The following ANKRD13C variants were observed in gnomAD, a reference collection of about 807,000 sequenced individuals.
The protein encoded by ANKRD13C is ankyrin repeat domain 13C.
ANKRD13C carries 16 observed loss-of-function variants against 65.5 expected under a neutral mutation model. That is an observed-to-expected ratio of 0.24 (90% CI 0.17 to 0.37). The LOEUF is 0.37. ANKRD13C is among the 10% of genes least tolerant of loss of function. The probability of loss-of-function intolerance (pLI) is 1.00; values close to 1 mark genes in which losing one functional copy is unlikely to be tolerated. For missense variants in ANKRD13C, 503 were observed against 655.9 expected, an observed-to-expected ratio of 0.77 and a Z score of 2.55; for synonymous variants, 235 against 238.7, an observed-to-expected ratio of 0.98 and a Z score of 0.14.
chr1:70,281,985 G>A (rs973783804), intron 9 of ANKRD13C, among the ~76,000 whole-genome samples: 2 of 151,208 alleles, frequency 1.3e-5, no homozygotes, highest in African/African-American at 4.9e-5. Context: ...GGGCAACAGA[G>A]GGAGACTCCA....
At chr1:70,312,162 C>T (rs1050255481) in intron 5 of ANKRD13C, among the ~76,000 whole-genome samples, 1 of 152,132 alleles carries the variant, frequency 6.6e-6, no homozygotes, top group African/African-American at 2.4e-5. Context: ...AATCTGGTAA[C>T]TTCCTAGGCA....
At chr1:70,324,269 T>C (rs1483185184) in intron 3 of ANKRD13C, among the ~76,000 whole-genome samples, 1 of 152,158 alleles carries the variant, frequency 6.6e-6, no homozygotes, top group Admixed American at 6.5e-5. Context: ...TTTTCCACTA[T>C]TGAGATATAC....
intron 2 of ANKRD13C, among the ~76,000 whole-genome samples, chr1:70,326,063 C>T (rs1681523955): frequency 6.6e-6 from 1 of 151,328 alleles, no homozygotes. Context: ...GAAACCCCAT[C>T]TCTACTAAAA....
At chr1:70,326,231 C>CAAAAAAAAAAAA (rs59618915) in intron 2 of ANKRD13C, among the ~76,000 whole-genome samples, 5 of 31,092 alleles carry the variant, frequency 1.6e-4, no homozygotes, top group Non-Finnish European at 2.5e-4. Flanking sequence ...AACTCTGTCT[C>CAAAAAAAAAAAA]AAAAAAAAAA....
chr1:70,349,571 CAATTT>C (rs756133926), intron 1 of ANKRD13C, among the ~76,000 whole-genome samples: 3 of 151,750 alleles, frequency 2.0e-5, no homozygotes, highest in Non-Finnish European at 2.9e-5. Context: ...TTCTTCTATT[CAATTT>C]AAGTCAGTAA....
intron 1 of ANKRD13C, among the ~76,000 whole-genome samples, chr1:70,345,052 A>G (rs1258588934): frequency 6.6e-6 from 1 of 152,280 alleles, no homozygotes; most frequent in African/African-American, 2.4e-5. Flanking sequence ...GCTTTGCACA[A>G]ATTCACAGTT....
chr1:70,348,127 T>G (rs1222294411), intron 1 of ANKRD13C, among the ~76,000 whole-genome samples: 1 of 151,874 alleles, frequency 6.6e-6, no homozygotes, highest in Non-Finnish European at 1.5e-5. Context: ...TATTACATAT[T>G]ATTCTTTTGT....
At chr1:70,344,173 CT>C (rs1193099023) in intron 1 of ANKRD13C, among the ~76,000 whole-genome samples, 2 of 151,872 alleles carry the variant, frequency 1.3e-5, no homozygotes, top group African/African-American at 4.8e-5. Context: ...TGGCAGGCGC[CT>C]GTAGTCCCAG....
At chr1:70,282,779 G>C (rs1207686273) in intron 9 of ANKRD13C, among the ~76,000 whole-genome samples, 1 of 152,140 alleles carries the variant, frequency 6.6e-6, no homozygotes, top group South Asian at 2.1e-4. Flanking sequence ...GAAACCGCTG[G>C]AAACGTTTAA....
chr1:70,339,814 T>G (rs1163287321), intron 1 of ANKRD13C, among the ~76,000 whole-genome samples: 8 of 1,484 alleles, frequency 5.4e-3, no homozygotes, highest in Non-Finnish European at 9.2e-3. Flanking sequence ...TCAGTACGTT[T>G]ATTATTATTA....
chr1:70,348,649 T>C (rs1682628981), intron 1 of ANKRD13C, among the ~76,000 whole-genome samples: 1 of 152,172 alleles, frequency 6.6e-6, no homozygotes, highest in South Asian at 2.1e-4. Flanking sequence ...AGGCAGAGAT[T>C]TTACACATTA....
At chr1:70,320,622 A>G (rs1352676374) in intron 3 of ANKRD13C, among the ~76,000 whole-genome samples, 2 of 151,866 alleles carry the variant, frequency 1.3e-5, no homozygotes, top group Admixed American at 1.3e-4. Flanking sequence ...GGCATGCCCC[A>G]CCACACCTGA....
Position 70,279,037 on chromosome 1 carries a change from C to CA in ANKRD13C, c.1216-2194dup, listed in dbSNP as rs151114956. Among the ~76,000 whole-genome samples, 936 of 149,852 alleles carry CA rather than the reference C, an allele frequency of 6.2e-3. 15 individuals carry two copies. The highest frequency in any genetic ancestry group is 0.022 in the African/African-American group (905 of 40,410). ...GCAGCATGGCAAAACCCCATCTCTA[C>CA]AAAAAATACAAAAAAAAAAAGTAGC... On this transcript the variant is annotated intron_variant, in intron 9 of 12. Coordinates refer to ENST00000370944, the MANE Select transcript of ANKRD13C (RefSeq NM_030816.5).
chr1:70,328,735 T>C (rs532601560), intron 2 of ANKRD13C, among the ~76,000 whole-genome samples: 1 of 152,316 alleles, frequency 6.6e-6, no homozygotes, highest in East Asian at 1.9e-4. Context: ...CAAGTATTTC[T>C]ATATAATAAT....
chr1:70,271,586 C>G (rs1359950496), intron 11 of ANKRD13C, among the ~76,000 whole-genome samples: 1 of 152,136 alleles, frequency 6.6e-6, no homozygotes, highest in Admixed American at 6.5e-5. Context: ...GAAATACTGA[C>G]AGATCACACT....
intron 7 of ANKRD13C, among the ~76,000 whole-genome samples, chr1:70,300,206 G>A (rs1262090013): frequency 6.6e-6 from 1 of 152,156 alleles, no homozygotes; most frequent in Non-Finnish European, 1.5e-5. Flanking sequence ...AAGAGAAGTT[G>A]GAGTTCATTG....
At chr1:70,282,611 T>C (rs1679446970) in intron 9 of ANKRD13C, among the ~76,000 whole-genome samples, 1 of 152,210 alleles carries the variant, frequency 6.6e-6, no homozygotes, top group Non-Finnish European at 1.5e-5. Context: ...CATAATACTA[T>C]GACATGTAGC....
chr1:70,326,021 C>T (rs1042825710), intron 2 of ANKRD13C, among the ~76,000 whole-genome samples: 9 of 151,988 alleles, frequency 5.9e-5, no homozygotes, highest in African/African-American at 1.2e-4. Context: ...CACCTGAGGT[C>T]GGGAGTTCCA....
At chr1:70,344,314 T>G (rs1327463904) in intron 1 of ANKRD13C, among the ~76,000 whole-genome samples, 2 of 110,728 alleles carry the variant, frequency 1.8e-5, no homozygotes, top group Non-Finnish European at 3.7e-5. Context: ...AAAAAAAAAA[T>G]TAGCTGGGCA....
Sources: gnomAD v4.1 joint callset for allele counts (sites outside exome capture counted in the v4.1 genomes callset) on GRCh38, gnomAD v4.1.1 for gene constraint, MANE v1.5 for transcripts, NCBI Gene and HGNC (gene_info 2026-07-23, HGNC 2026-07-21) for gene names.